The following SLC44A5 variants were observed in gnomAD, a reference collection of about 807,000 sequenced individuals.
The protein encoded by SLC44A5 is solute carrier family 44 member 5, also known as choline transporter-like protein 5.
Under a neutral mutation model 101.8 loss-of-function variants are expected in SLC44A5, and 57 were observed. The ratio of observed to expected loss-of-function variants is 0.56; its 90% CI spans 0.45 to 0.70. The LOEUF is 0.70. SLC44A5 is among the 30% of genes least tolerant of loss of function. The pLI is 0.00. For missense variants in SLC44A5, 737 were observed against 853.1 expected, an observed-to-expected ratio of 0.86 and a Z score of 1.70; for synonymous variants, 281 against 290.9, an observed-to-expected ratio of 0.97 and a Z score of 0.35.
In SLC44A5 at chr1:75,219,899, TA is replaced by T. The variant is rs1321592923; in HGVS notation, c.1086-8del. 1 of 1,563,120 alleles carries T rather than the reference TA, an allele frequency of 6.4e-7. No individual in the cohort carries two copies. Among genetic ancestry groups the T allele is most frequent in the South Asian group, 1.1e-5 (1 of 87,518 alleles). On this transcript the variant is annotated splice_polypyrimidine_tract_variant and splice_region_variant and intron_variant, in intron 14 of 23. Coordinates refer to ENST00000370859, the MANE Select transcript of SLC44A5 (RefSeq NM_001130058.2). Reference sequence around the variant, plus strand: ...AGGAACATATCCAATGGCTCTGAAATAAAACAAATAGTTGAAATTCAATTGT... The same window carrying T: ...AGGAACATATCCAATGGCTCTGAAATAAACAAATAGTTGAAATTCAATTGT...
intron 7 of SLC44A5, among the ~76,000 whole-genome samples, chr1:75,244,815 AAAGTC>A: frequency 6.6e-6 from 1 of 152,084 alleles, no homozygotes; most frequent in African/African-American, 2.4e-5. Flanking sequence ...ATAAAAAACA[AAAGTC>A]AGATGAAGCC....
At chr1:75,661,075 T>G in the SLC44A5 span, among the ~76,000 whole-genome samples, 1 of 152,202 alleles carries the variant, frequency 6.6e-6, no homozygotes, top group Middle Eastern at 3.4e-3. Flanking sequence ...CTATATTACC[T>G]GACTTCAAAA....
chr1:75,420,559 T>C (rs1663941047), intron 2 of SLC44A5, among the ~76,000 whole-genome samples: 1 of 152,130 alleles, frequency 6.6e-6, no homozygotes, highest in African/African-American at 2.4e-5. Context: ...AAGAAACAAC[T>C]ATCTGCTGTT....
chr1:75,466,225 C>T (rs1205433370), intron 2 of SLC44A5, among the ~76,000 whole-genome samples: 2 of 152,192 alleles, frequency 1.3e-5, no homozygotes, highest in East Asian at 3.9e-4. Flanking sequence ...GTTCAACATA[C>T]GTAAGCCAAT....
intron 2 of SLC44A5, among the ~76,000 whole-genome samples, chr1:75,532,244 T>A (rs1670759327): frequency 6.6e-6 from 1 of 152,190 alleles, no homozygotes; most frequent in African/African-American, 2.4e-5. Context: ...TTTTATAAAC[T>A]AAAAGCATAC....
At chr1:75,409,963 T>C (rs149556931) in intron 2 of SLC44A5, among the ~76,000 whole-genome samples, 1 of 152,262 alleles carries the variant, frequency 6.6e-6, no homozygotes, top group East Asian at 1.9e-4. Context: ...AAGCATACAT[T>C]TTCCAGGATT....
At chr1:75,523,727 G>T (rs946566856) in intron 2 of SLC44A5, among the ~76,000 whole-genome samples, 1 of 152,166 alleles carries the variant, frequency 6.6e-6, no homozygotes, top group Admixed American at 6.5e-5. Context: ...AGTGGTTCAC[G>T]CTTGAGGCAA....
chr1:75,272,583 A>G (rs1265298118), intron 6 of SLC44A5, among the ~76,000 whole-genome samples: 1 of 151,880 alleles, frequency 6.6e-6, no homozygotes, highest in African/African-American at 2.4e-5. Flanking sequence ...AGAGATGAGG[A>G]TCCAGTTTCA....
chr1:75,682,434 C>T, the SLC44A5 span, among the ~76,000 whole-genome samples: 2 of 151,654 alleles, frequency 1.3e-5, no homozygotes, highest in East Asian at 3.9e-4. Context: ...AGAACAGAGC[C>T]CTCAGAAATA....
chr1:75,630,957 AG>A, the SLC44A5 span, among the ~76,000 whole-genome samples: 36,980 of 152,086 alleles, frequency 0.24, 4,995 homozygotes, highest in Middle Eastern at 0.36. Context: ...CATATTCTTC[AG>A]GGTCTGAAAT....
the SLC44A5 span, among the ~76,000 whole-genome samples, chr1:75,637,728 T>A: frequency 2.0e-5 from 3 of 152,046 alleles, no homozygotes; most frequent in Middle Eastern, 3.2e-3. Flanking sequence ...ATCTTCATTG[T>A]ATTTAAAGTT....
chr1:75,549,251 T>C (rs1479454988), intron 1 of SLC44A5, among the ~76,000 whole-genome samples: 2 of 152,162 alleles, frequency 1.3e-5, no homozygotes, highest in South Asian at 2.1e-4. Context: ...CTTGGATAGC[T>C]GCCTAGTAAA....
Position 75,300,601 on chromosome 1 carries a change from T to A in SLC44A5, c.175+11A>T. ...AAGTGTTAAATATTTTCTATACCTG[T>A]ATTTACTCACCCACAAGTCCTAAAA... On this transcript the variant is annotated intron_variant, in intron 5 of 23. Coordinates refer to ENST00000370859, the MANE Select transcript of SLC44A5 (RefSeq NM_001130058.2). The A allele has an allele frequency of 6.4e-7, 1 of 1,568,612 alleles. No homozygotes were observed. Among genetic ancestry groups the A allele is most frequent in the Non-Finnish European group, 8.7e-7 (1 of 1,147,306 alleles).
intron 4 of SLC44A5, among the ~76,000 whole-genome samples, chr1:75,320,481 G>A (rs983202515): frequency 1.3e-5 from 2 of 152,058 alleles, no homozygotes; most frequent in Admixed American, 1.3e-4. Context: ...CCTATGTATT[G>A]TACTCTAAAA....
At chr1:75,279,156 A>G (rs1376112250) in intron 5 of SLC44A5, among the ~76,000 whole-genome samples, 1 of 151,970 alleles carries the variant, frequency 6.6e-6, no homozygotes, top group Admixed American at 6.6e-5. Context: ...ATTCCTTTGA[A>G]TGGCATATTT....
At chr1:75,689,860 G>A in the SLC44A5 span, among the ~76,000 whole-genome samples, 1 of 152,256 alleles carries the variant, frequency 6.6e-6, no homozygotes, top group East Asian at 1.9e-4. Flanking sequence ...TCCTTGTAAA[G>A]TTTGTGTCTT....
chr1:75,455,737 G>T (rs1468133055), intron 2 of SLC44A5, among the ~76,000 whole-genome samples: 1 of 151,886 alleles, frequency 6.6e-6, no homozygotes, highest in Non-Finnish European at 1.5e-5. Flanking sequence ...CATACAAGAG[G>T]CCAACAAATA....
intron 1 of SLC44A5, among the ~76,000 whole-genome samples, chr1:75,585,056 G>C (rs1212916052): frequency 6.6e-6 from 1 of 152,184 alleles, no homozygotes; most frequent in Non-Finnish European, 1.5e-5. Context: ...CAGAAAGCCT[G>C]GTTCCACACT....
chr1:75,237,898 G>A (rs951515021), intron 10 of SLC44A5, among the ~76,000 whole-genome samples: 1 of 150,612 alleles, frequency 6.6e-6, no homozygotes, highest in African/African-American at 2.4e-5. Context: ...TTCAACAACT[G>A]AGCAATGCAG....
Sources: gnomAD v4.1 joint callset for allele counts (sites outside exome capture counted in the v4.1 genomes callset) on GRCh38, gnomAD v4.1.1 for gene constraint, MANE v1.5 for transcripts, NCBI Gene and HGNC (gene_info 2026-07-23, HGNC 2026-07-21) for gene names.